The following UBE2E3 variants were observed in gnomAD, a reference collection of about 807,000 sequenced individuals.
UBE2E3 encodes ubiquitin-conjugating enzyme E2 E3.
A neutral mutation model predicts 23.6 loss-of-function variants in UBE2E3; 5 were observed. That is an observed-to-expected ratio of 0.21 (90% confidence interval 0.11 to 0.44). UBE2E3 has a LOEUF of 0.44. Ranked by LOEUF, UBE2E3 falls within the 20% of genes least tolerant of loss-of-function variation. The probability of loss-of-function intolerance (pLI) is 0.99; values close to 1 mark genes in which losing one functional copy is unlikely to be tolerated. For missense variants in UBE2E3, 81 were observed against 249.8 expected (o/e 0.32, Z 4.55); for synonymous variants, 78 against 87.5 (o/e 0.89, Z 0.60).
At chr2:181,058,287 CTA>C (rs1687041335) in intron 4 of UBE2E3, among the ~76,000 whole-genome samples, 1 of 151,668 alleles carries the variant, frequency 6.6e-6, no homozygotes, top group African/African-American at 2.4e-5. Flanking sequence ...AAGAGGGAAA[CTA>C]ATAATATTTA....
intron 3 of UBE2E3, among the ~76,000 whole-genome samples, 162 bp downstream of exon 3, chr2:180,984,255 G>C (rs1167940379): frequency 2.0e-5 from 3 of 152,098 alleles, no homozygotes; most frequent in African/African-American, 7.2e-5. Flanking sequence ...AGATAAAATT[G>C]GGAGAAAAAA....
chr2:180,995,956 AT>A (rs1481317247), intron 3 of UBE2E3, among the ~76,000 whole-genome samples: 2 of 151,878 alleles, frequency 1.3e-5, no homozygotes, highest in Non-Finnish European at 2.9e-5. Flanking sequence ...TATGTGCTTA[AT>A]TTTTTTGTCT....
intron 3 of UBE2E3, among the ~76,000 whole-genome samples, chr2:181,040,682 A>G (rs1488349545): frequency 6.6e-6 from 1 of 152,200 alleles, no homozygotes; most frequent in Non-Finnish European, 1.5e-5. Flanking sequence ...ATCATAGGTA[A>G]AAAATACTGG....
intron 3 of UBE2E3, among the ~76,000 whole-genome samples, chr2:181,019,312 G>T (rs1336931916): frequency 6.6e-6 from 1 of 152,148 alleles, no homozygotes; most frequent in Admixed American, 6.5e-5. Flanking sequence ...GTTGATAGAC[G>T]CTAAATCATT....
chr2:181,004,437 A>G (rs931677802), intron 3 of UBE2E3, among the ~76,000 whole-genome samples: 15 of 152,144 alleles, frequency 9.9e-5, no homozygotes, highest in African/African-American at 3.6e-4. Context: ...GATCGGGACC[A>G]TCCTGGCCAG....
intron 3 of UBE2E3, among the ~76,000 whole-genome samples, chr2:181,029,681 AGTTCT>A (rs1686012869): frequency 3.6e-5 from 3 of 82,236 alleles, no homozygotes; most frequent in Admixed American, 1.3e-4. Flanking sequence ...TTTTTTTTTA[AGTTCT>A]GTTTCTTACT....
chr2:181,010,738 A>G (rs963764655), intron 3 of UBE2E3, among the ~76,000 whole-genome samples: 8 of 152,192 alleles, frequency 5.3e-5, no homozygotes, highest in Non-Finnish European at 1.2e-4. Context: ...TTTAGGGGCA[A>G]AAATGTTTGC....
chr2:181,004,539 A>C (rs1270780541), intron 3 of UBE2E3, among the ~76,000 whole-genome samples: 1 of 152,144 alleles, frequency 6.6e-6, no homozygotes, highest in Non-Finnish European at 1.5e-5. Context: ...AGGCTGAGGC[A>C]GGAGAATCAC....
At chr2:181,023,428 A>G (rs771367237) in intron 3 of UBE2E3, among the ~76,000 whole-genome samples, 3 of 152,216 alleles carry the variant, frequency 2.0e-5, no homozygotes, top group East Asian at 1.9e-4. Flanking sequence ...TCCATTATCA[A>G]TGATATTTGT....
intron 3 of UBE2E3, among the ~76,000 whole-genome samples, chr2:181,044,299 C>G (rs1481145926): frequency 6.6e-6 from 1 of 151,956 alleles, no homozygotes; most frequent in African/African-American, 2.4e-5. Flanking sequence ...AGTGCTACAA[C>G]TAAAAATTTA....
chr2:180,998,075 A>G (rs1684881217), intron 3 of UBE2E3, among the ~76,000 whole-genome samples: 1 of 152,200 alleles, frequency 6.6e-6, no homozygotes. Context: ...CTTAGTTGAA[A>G]GTAGTTCTGA....
intron 3 of UBE2E3, among the ~76,000 whole-genome samples, chr2:181,018,492 A>G (rs1474720680): frequency 2.7e-5 from 4 of 149,042 alleles, no homozygotes; most frequent in Non-Finnish European, 5.9e-5. Context: ...CAGTGCAGTT[A>G]ATCTATTCTT....
intron 3 of UBE2E3, among the ~76,000 whole-genome samples, chr2:180,985,824 G>A (rs771206505): frequency 2.0e-5 from 3 of 152,128 alleles, no homozygotes; most frequent in African/African-American, 4.8e-5. Flanking sequence ...GTCTGCAAAT[G>A]AAACAAACTA....
At chr2:181,039,546 A>G (rs1181091423) in intron 3 of UBE2E3, among the ~76,000 whole-genome samples, 1 of 152,064 alleles carries the variant, frequency 6.6e-6, no homozygotes, top group Non-Finnish European at 1.5e-5. Flanking sequence ...CGAGGTGGGC[A>G]GATTGCTTGA....
At chr2:181,058,946 G>T (rs1468918800) in intron 4 of UBE2E3, among the ~76,000 whole-genome samples, 1 of 151,668 alleles carries the variant, frequency 6.6e-6, no homozygotes, top group Non-Finnish European at 1.5e-5. Context: ...ATATGGGGAA[G>T]ATTAATTGAA....
At chr2:181,021,701 C>A (rs1271117466) in intron 3 of UBE2E3, among the ~76,000 whole-genome samples, 2 of 108,226 alleles carry the variant, frequency 1.8e-5, no homozygotes, top group Admixed American at 1.2e-4. Context: ...TTTAAATATA[C>A]TATATCTATT....
intron 3 of UBE2E3, among the ~76,000 whole-genome samples, chr2:181,035,355 TTTTGTCA>T (rs1369626492): frequency 1.3e-5 from 2 of 152,192 alleles, no homozygotes; most frequent in African/African-American, 4.8e-5. Context: ...TAAACACAGC[TTTTGTCA>T]TTGTCATGGA....
intron 3 of UBE2E3, among the ~76,000 whole-genome samples, chr2:181,020,738 A>G (rs1200043599): frequency 6.6e-6 from 1 of 152,204 alleles, no homozygotes; most frequent in Non-Finnish European, 1.5e-5. Flanking sequence ...GAAAAAAGGT[A>G]AATGGTTAAA....
Position 181,038,006 on chromosome 2 carries a change from T to G in UBE2E3, c.246-19687T>G, listed in dbSNP as rs571468558. On this transcript the variant is annotated intron_variant, in intron 3 of 5. Transcript: ENST00000410062. ...AAAGTTATAGTAAGCTAAAGTTAATTTATTATTGTGGAAGAAAAGTATTTT... is the reference window on the plus strand; with the variant it reads ...AAAGTTATAGTAAGCTAAAGTTAATGTATTATTGTGGAAGAAAAGTATTTT... Among the ~76,000 whole-genome samples the G allele has an allele frequency of 8.5e-5, 13 of 152,232 alleles. No homozygotes were observed. In the East Asian group the frequency reaches 2.3e-3, roughly 27 times the overall value.
Sources: gnomAD v4.1 joint callset for allele counts (sites outside exome capture counted in the v4.1 genomes callset) on GRCh38, gnomAD v4.1.1 for gene constraint, MANE v1.5 for transcripts, NCBI Gene and HGNC (gene_info 2026-07-23, HGNC 2026-07-21) for gene names.